The following TPPP variants were observed in gnomAD, a reference collection of about 807,000 sequenced individuals.
The protein encoded by TPPP is tubulin polymerization-promoting protein.
TPPP carries 6 observed loss-of-function variants against 15.5 expected under a neutral mutation model. The observed-to-expected ratio is 0.39, with a 90% CI of 0.21 to 0.77. The LOEUF is 0.77. Ranked by LOEUF, TPPP falls within the 30% of genes least tolerant of loss-of-function variation. The probability of loss-of-function intolerance (pLI) is 0.42; values close to 1 mark genes in which losing one functional copy is unlikely to be tolerated. For missense variants in TPPP, 269 were observed against 307.2 expected, an observed-to-expected ratio of 0.88 and a Z score of 0.93; for synonymous variants, 146 against 133.9, an observed-to-expected ratio of 1.09 and a Z score of -0.63.
intron 1 of TPPP, among the ~76,000 whole-genome samples, chr5:681,578 T>C (rs409693): frequency 0.48 from 72,571 of 152,072 alleles, 18,261 homozygotes; most frequent in South Asian, 0.57. Flanking sequence ...GACCCAGGTG[T>C]CTGCTCACAG....
chr5:685,389 G>A (rs6862648), intron 1 of TPPP, among the ~76,000 whole-genome samples: 30,736 of 152,216 alleles, frequency 0.2, 6,428 homozygotes, highest in African/African-American at 0.53. Flanking sequence ...TATCCTGGTC[G>A]TCTCACATGG....
At chr5:675,271 G>GT in intron 2 of TPPP, among the ~76,000 whole-genome samples, 3 of 110,850 alleles carry the variant, frequency 2.7e-5, no homozygotes, top group Admixed American at 1.7e-4. Context: ...CGGGGGTGCA[G>GT]CCCAGGGGGT....
chr5:679,609 C>T (rs1740566888), intron 1 of TPPP, among the ~76,000 whole-genome samples: 1 of 152,218 alleles, frequency 6.6e-6, no homozygotes, highest in African/African-American at 2.4e-5. Flanking sequence ...GAGAAATTAC[C>T]AGAAGCAATG....
At chr5:669,057 G>C (rs1173109980) in intron 2 of TPPP, among the ~76,000 whole-genome samples, 1 of 152,242 alleles carries the variant, frequency 6.6e-6, no homozygotes, top group African/African-American at 2.4e-5. Flanking sequence ...AAATCGCGCT[G>C]AGAAACACAC....
chr5:666,137 G>GGCGACTTAGGGCACAA lies in TPPP; in HGVS notation c.312-15_312-14insTTGTGCCCTAAGTCGC. ...CAAGACTTCCCTCTACAGGGGCACA[G>GGCGACTTAGGGCACAA]GCGACTTAGGGCTGGGCGCGGGCCG... On this transcript the variant is annotated splice_polypyrimidine_tract_variant and intron_variant, in intron 2 of 3. Transcript: ENST00000360578. 2 of 1,608,522 alleles carry GGCGACTTAGGGCACAA rather than the reference G, an allele frequency of 1.2e-6. No individual in the cohort carries two copies. Among genetic ancestry groups the GGCGACTTAGGGCACAA allele is most frequent in the Middle Eastern group, 1.7e-4 (1 of 6,052 alleles).
At chr5:696,358 G>C (rs1741011251), upstream of TPPP, among the ~76,000 whole-genome samples, 3 of 138,112 alleles carry the variant, frequency 2.2e-5, no homozygotes, top group South Asian at 5.0e-4. Flanking sequence ...CCGAGGCCAA[G>C]TGTGAGGATG....
At chr5:681,144 C>T (rs1434184581) in intron 1 of TPPP, among the ~76,000 whole-genome samples, 1 of 152,242 alleles carries the variant, frequency 6.6e-6, no homozygotes, top group African/African-American at 2.4e-5. Context: ...AGCTGCTTCT[C>T]CTTGGATGGG....
At position 677,750 on chromosome 5, in the gene TPPP, T is replaced by G; in HGVS notation, c.311A>C (p.Lys104Thr). ...TDVDIVFSKI[K>T]GKSCRTITFE... ...CGGCCCGTGAGCCCAGCGCACTCAC[T>G]TGATCTTGCTGAAGACGATGTCCAC... is the stretch of plus-strand genomic sequence containing the variant. The change falls in exon 2 of 4, where the codon AAA (lysine) becomes ACA (threonine). Residue 104 changes from lysine to threonine, a missense_variant and splice_region_variant. By Grantham distance (78) the Lys-to-Thr change is moderately conservative. Coordinates refer to ENST00000360578, the MANE Select transcript of TPPP (RefSeq NM_007030.3). The G allele has an allele frequency of 1.3e-6, 2 of 1,558,898 alleles. No homozygotes were observed. Among genetic ancestry groups the G allele is most frequent in the Non-Finnish European group, 1.7e-6 (2 of 1,150,472 alleles).
intron 1 of TPPP, among the ~76,000 whole-genome samples, chr5:686,516 G>A (rs949772398): frequency 6.7e-6 from 1 of 149,966 alleles, no homozygotes; most frequent in Non-Finnish European, 1.5e-5. Context: ...CTGCCCTTGG[G>A]TTACCCTCGG....
At chr5:683,385 C>CT (rs2126909218) in intron 1 of TPPP, among the ~76,000 whole-genome samples, 1 of 152,318 alleles carries the variant, frequency 6.6e-6, no homozygotes, top group Non-Finnish European at 1.5e-5. Flanking sequence ...GCACGCACGC[C>CT]ACACACTCAA....
At chr5:672,867 G>A (rs1234391895) in intron 2 of TPPP, among the ~76,000 whole-genome samples, 1 of 152,246 alleles carries the variant, frequency 6.6e-6, no homozygotes, top group Non-Finnish European at 1.5e-5. Context: ...AAGGCTGCAA[G>A]AAATTTGTTT....
At position 664,994 on chromosome 5, in the gene TPPP, G is replaced by A; in HGVS notation, c.*108C>T. On this transcript the variant is annotated 3_prime_UTR_variant, in exon 4 of 4. Coordinates refer to ENST00000360578, the MANE Select transcript of TPPP (RefSeq NM_007030.3). ...TGGCCGCCCCCCAGCCCCCTCTGGG[G>A]CACCCGTCTGAGTTCTGCCCCAGTT... 1.5e-6 allele frequency: 2 copies of A among 1,364,632 alleles called. No homozygotes were observed. Among genetic ancestry groups the A allele is most frequent in the South Asian group, 1.4e-5 (1 of 72,722 alleles). 84.5% of individuals were successfully genotyped at this position (1,364,632 alleles called of 1,614,324 possible). A position where few individuals can be genotyped will look rare whatever the true frequency, so the allele number is the denominator to read the frequency against.
At chr5:692,505 A>G in intron 1 of TPPP, 9 of 510,800 alleles carry the variant, frequency 1.8e-5, no homozygotes, top group South Asian at 9.4e-5. Context: ...CAGCCCCCCC[A>G]AAACCCTTAT....
rs138152607 is a variant in TPPP at position 665,171 on chromosome 5, G to T, written c.591C>A (p.Asp197Glu). 1.4e-4 allele frequency: 220 copies of T among 1,613,654 alleles called. No individual in the cohort carries two copies. Among genetic ancestry groups the T allele is most frequent in the Non-Finnish European group, 1.6e-4 (190 of 1,179,990 alleles). ...TGTAGCCGGACACATAGCCTGACTC[G>T]TCCACCAGATCCACGCGGCCAGCCT... ...KGKAGRVDLV[D>E]ESGYVSGYKH... Residue 197 changes from aspartate to glutamate, a missense_variant, in exon 4 of 4, where the codon GAC (aspartate) becomes GAA (glutamate). Coordinates refer to ENST00000360578, the MANE Select transcript of TPPP (RefSeq NM_007030.3).
At chr5:667,848 G>C (rs550715991) in intron 2 of TPPP, among the ~76,000 whole-genome samples, 2 of 134,126 alleles carry the variant, frequency 1.5e-5, no homozygotes, top group African/African-American at 5.7e-5. Context: ...AGGGGTCCGC[G>C]TGGGCGCCGT....
At chr5:699,159 A>C in the TPPP span, among the ~76,000 whole-genome samples, 1 of 152,004 alleles carries the variant, frequency 6.6e-6, no homozygotes, top group Non-Finnish European at 1.5e-5. Context: ...CATGGAACCC[A>C]AAAAGAGCCC....
intron 2 of TPPP, chr5:675,984 C>CG (rs1201438380): frequency 6.6e-6 from 1 of 152,088 alleles, no homozygotes; most frequent in Non-Finnish European, 1.5e-5. Context: ...AGCTCGCACC[C>CG]GGGGCCCTGG....
intron 1 of TPPP, chr5:692,701 G>T: frequency 1.0e-6 from 1 of 981,920 alleles, no homozygotes; most frequent in Non-Finnish European, 1.2e-6. Context: ...GCCAAGACCC[G>T]GGGCAGCTGG....
At chr5:676,865 G>A (rs569248730) in intron 2 of TPPP, among the ~76,000 whole-genome samples, 2 of 148,802 alleles carry the variant, frequency 1.3e-5, no homozygotes, top group East Asian at 1.9e-4. Context: ...GCGCACACAC[G>A]ACGCAGAAAC....
Sources: gnomAD v4.1 joint callset for allele counts (sites outside exome capture counted in the v4.1 genomes callset) on GRCh38, gnomAD v4.1.1 for gene constraint, MANE v1.5 for transcripts, NCBI Gene and HGNC (gene_info 2026-07-23, HGNC 2026-07-21) for gene names.